Variants in LRIG1 observed in about 807,000 individuals in gnomAD.
LRIG1 encodes the protein leucine-rich repeats and immunoglobulin-like domains protein 1.
LRIG1 carries 48 observed loss-of-function variants against 99.2 expected under a neutral mutation model. The ratio of observed to expected loss-of-function variants is 0.48; its 90% CI spans 0.38 to 0.62. The LOEUF (loss-of-function observed/expected upper bound fraction) is 0.62, where lower values mean the gene tolerates loss of function less well. Ranked by LOEUF, LRIG1 falls within the 20% of genes least tolerant of loss-of-function variation. The pLI is 0.00. For synonymous variants in LRIG1, 772 were observed against 596.1 expected (o/e 1.29, Z -4.30); for missense variants, 1,646 against 1,434.4 (o/e 1.15, Z -2.38).
At chr3:66,392,362 G>A (rs1701652281) in intron 12 of LRIG1, among the ~76,000 whole-genome samples, 2 of 152,218 alleles carry the variant, frequency 1.3e-5, no homozygotes, top group South Asian at 2.1e-4. Context: ...CTGAGGAACT[G>A]CCGAGACTGT....
chr3:66,486,490 C>T (rs1165646294), intron 1 of LRIG1, among the ~76,000 whole-genome samples: 1 of 152,070 alleles, frequency 6.6e-6, no homozygotes, highest in Non-Finnish European at 1.5e-5. Context: ...CCCTGAAGAC[C>T]CTGAAATACT....
intron 1 of LRIG1, among the ~76,000 whole-genome samples, chr3:66,487,088 G>C (rs1025762622): frequency 6.6e-6 from 1 of 152,128 alleles, no homozygotes; most frequent in Admixed American, 6.5e-5. Context: ...CTTTGAAGTG[G>C]TTCTCAAGCA....
At chr3:66,465,370 T>C (rs1337605434) in intron 1 of LRIG1, among the ~76,000 whole-genome samples, 2 of 144,294 alleles carry the variant, frequency 1.4e-5, no homozygotes, top group Non-Finnish European at 3.0e-5. Flanking sequence ...TTTTTTTTTT[T>C]TTTTTTTTTT....
At chr3:66,406,573 C>T (rs770808423) in intron 8 of LRIG1, among the ~76,000 whole-genome samples, 30 of 152,180 alleles carry the variant, frequency 2.0e-4, no homozygotes, top group African/African-American at 5.5e-4. Flanking sequence ...CAGTGGATTA[C>T]GCCTGAGAAG....
At chr3:66,453,844 C>T (rs575184599) in intron 2 of LRIG1, among the ~76,000 whole-genome samples, 1 of 152,334 alleles carries the variant, frequency 6.6e-6, no homozygotes, top group Admixed American at 6.5e-5. Context: ...ATGGACTTCT[C>T]TGCAGGGGGC....
chr3:66,433,506 A>C (rs564130205), intron 3 of LRIG1, among the ~76,000 whole-genome samples: 1 of 152,220 alleles, frequency 6.6e-6, no homozygotes, highest in Non-Finnish European at 1.5e-5. Context: ...CTGTTTCAGC[A>C]CTTGGCTGCA....
At chr3:66,500,055 C>CCA (rs1701320597) in intron 1 of LRIG1, 135 bp downstream of exon 1, 3 of 656,672 alleles carry the variant, frequency 4.6e-6, no homozygotes, top group South Asian at 4.3e-5. Context: ...TGACAGTCTT[C>CCA]CAACACGCAC....
chr3:66,438,627 G>A (rs1703440258), intron 3 of LRIG1, among the ~76,000 whole-genome samples: 1 of 152,192 alleles, frequency 6.6e-6, no homozygotes, highest in Admixed American at 6.5e-5. Context: ...CTCCAGGAAG[G>A]GATGTTTCCT....
intron 12 of LRIG1, among the ~76,000 whole-genome samples, chr3:66,393,787 A>T (rs1285233708): frequency 6.6e-6 from 1 of 152,240 alleles, no homozygotes; most frequent in Non-Finnish European, 1.5e-5. Flanking sequence ...GTAACTGATT[A>T]TTCTGATTTG....
At chr3:66,404,870 G>A (rs1024721935) in intron 9 of LRIG1, among the ~76,000 whole-genome samples, 1 of 152,128 alleles carries the variant, frequency 6.6e-6, no homozygotes, top group African/African-American at 2.4e-5. Context: ...CAGTAACAGG[G>A]CAAGACTCCT....
intron 8 of LRIG1, chr3:66,405,880 G>C: frequency 9.3e-7 from 1 of 1,076,640 alleles, no homozygotes; most frequent in Non-Finnish European, 1.1e-6. Flanking sequence ...AGAGGGATGA[G>C]GCCAACTCAG....
chr3:66,431,809 G>A (rs997174261), intron 3 of LRIG1, among the ~76,000 whole-genome samples: 4 of 152,254 alleles, frequency 2.6e-5, no homozygotes, highest in African/African-American at 9.6e-5. Context: ...TGGGCAAAGC[G>A]GTCTGCAGCA....
intron 13 of LRIG1, 24 bp from the exon 14 acceptor site, chr3:66,384,296 T>C (rs765141509): frequency 6.3e-6 from 10 of 1,598,356 alleles, no homozygotes; most frequent in Non-Finnish European, 8.6e-6. Context: ...GTATACAGGG[T>C]CGGGTTACGG....
chr3:66,393,716 A>G (rs1701717283), intron 12 of LRIG1, among the ~76,000 whole-genome samples: 1 of 152,206 alleles, frequency 6.6e-6, no homozygotes, highest in Non-Finnish European at 1.5e-5. Flanking sequence ...TCGTACGCGG[A>G]GTACATTCGC....
At position 66,415,070 on chromosome 3, in the gene LRIG1, T is replaced by C; in HGVS notation, c.504-7A>G. The stretch of plus-strand genomic sequence containing the variant: ...CCGATTGCCTGCCAGGTTGCTGGAA[T>C]GATTCAGAAAAGAAAATGTGGTGGT... On this transcript the variant is annotated splice_region_variant and splice_polypyrimidine_tract_variant and intron_variant, in intron 4 of 18. Coordinates refer to ENST00000273261, the MANE Select transcript of LRIG1 (RefSeq NM_015541.3). The C allele has an allele frequency of 6.3e-7, 1 of 1,590,056 alleles. No homozygotes were observed. Among genetic ancestry groups the C allele is most frequent in the Non-Finnish European group, 8.5e-7 (1 of 1,169,812 alleles).
intron 1 of LRIG1, among the ~76,000 whole-genome samples, chr3:66,484,311 A>T (rs1477943585): frequency 1.3e-5 from 2 of 152,216 alleles, no homozygotes; most frequent in African/African-American, 4.8e-5. Flanking sequence ...AATGTGTCAC[A>T]GGCTTCACAC....
At chr3:66,460,432 A>G (rs1158223619) in intron 2 of LRIG1, among the ~76,000 whole-genome samples, 1 of 152,166 alleles carries the variant, frequency 6.6e-6, no homozygotes, top group East Asian at 1.9e-4. Flanking sequence ...CATATGCTGA[A>G]GCTCTAACCC....
chr3:66,451,354 T>C (rs1703899145), intron 3 of LRIG1, among the ~76,000 whole-genome samples: 2 of 148,778 alleles, frequency 1.3e-5, no homozygotes, highest in South Asian at 4.3e-4. Context: ...AAATTAAAGA[T>C]GAGGTAAAAC....
intron 11 of LRIG1, among the ~76,000 whole-genome samples, chr3:66,397,392 G>A (rs1701892184): frequency 6.6e-6 from 1 of 151,422 alleles, no homozygotes; most frequent in Non-Finnish European, 1.5e-5. Flanking sequence ...TACCCCTTCA[G>A]GGAACTGATA....
Sources: allele counts gnomAD v4.1 joint callset (sites outside exome capture counted in the v4.1 genomes callset), GRCh38; gene constraint gnomAD v4.1.1; transcripts MANE v1.5; gene names NCBI Gene and HGNC (gene_info 2026-07-23, HGNC 2026-07-21).